PPHLN1: variants seen among roughly 807,000 people sequenced by gnomAD.
PPHLN1 encodes the protein periphilin-1.
PPHLN1 carries 29 observed loss-of-function variants against 51.3 expected under a neutral mutation model. The ratio of observed to expected loss-of-function variants is 0.57; its 90% CI spans 0.42 to 0.77. The LOEUF (loss-of-function observed/expected upper bound fraction) is 0.77, where lower values mean the gene tolerates loss of function less well. PPHLN1 is among the 30% of genes least tolerant of loss of function. The probability of loss-of-function intolerance (pLI) is 0.00; values close to 1 mark genes in which losing one functional copy is unlikely to be tolerated. For missense variants in PPHLN1, 436 were observed against 438.4 expected (o/e 0.99, Z 0.05); for synonymous variants, 147 against 147.8 (o/e 0.99, Z 0.04).
intron 2 of PPHLN1, 81 bp downstream of exon 2, chr12:42,336,055 A>G: frequency 4.6e-6 from 4 of 862,226 alleles, no homozygotes; most frequent in Non-Finnish European, 6.8e-6. Flanking sequence ...GCCTATTAAC[A>G]AAATCTTCAA....
At chr12:42,342,387 T>C (rs989449951) in intron 2 of PPHLN1, among the ~76,000 whole-genome samples, 2 of 152,178 alleles carry the variant, frequency 1.3e-5, no homozygotes, top group African/African-American at 2.4e-5. Context: ...CCCAGATCGT[T>C]GGGATTACAG....
chr12:42,408,789 G>A (rs576194207), intron 9 of PPHLN1, among the ~76,000 whole-genome samples: 1 of 152,178 alleles, frequency 6.6e-6, no homozygotes, highest in African/African-American at 2.4e-5. Flanking sequence ...GATTAGCCTG[G>A]GATCTTGAAA....
At chr12:42,341,318 A>G (rs2071466121) in intron 2 of PPHLN1, among the ~76,000 whole-genome samples, 1 of 152,024 alleles carries the variant, frequency 6.6e-6, no homozygotes, top group Non-Finnish European at 1.5e-5. Flanking sequence ...CCCATTTATG[A>G]TCAATTCTGA....
rs1001383999 is a variant in PPHLN1 at position 42,332,635 on chromosome 12, A to C, written c.-20-3248A>C. On this transcript the variant is annotated intron_variant, in intron 1 of 9. Transcript: ENST00000358314. ...TTGGTTTATACAGACACAAATCTTT[A>C]CGTCTGTATTTCCCCCCCTTACAGG... 15 of 1,530,762 alleles carry C rather than the reference A, an allele frequency of 9.8e-6. No homozygotes were observed. In the African/African-American group the frequency reaches 1.9e-4, roughly 19 times the overall value. The allele number at this position is 1,530,762 out of a possible 1,614,324, so 94.8% of individuals were successfully genotyped here.
intron 5 of PPHLN1, among the ~76,000 whole-genome samples, chr12:42,378,086 CTTTCTCTTTCTTTCTT>C (rs1480116960): frequency 8.1e-6 from 1 of 122,950 alleles, no homozygotes; most frequent in African/African-American, 3.2e-5. Flanking sequence ...ATCTATCTAT[CTTTCTCTTTCTTTCTT>C]TCTTTCTTTC....
intron 1 of PPHLN1, chr12:42,332,816 ATT>A: frequency 1.8e-6 from 1 of 554,336 alleles, no homozygotes; most frequent in Middle Eastern, 5.3e-4. Flanking sequence ...TAGAACTCTT[ATT>A]GTTTATTTTT....
chr12:42,424,508 C>T (rs895625563), intron 9 of PPHLN1, among the ~76,000 whole-genome samples: 7 of 152,160 alleles, frequency 4.6e-5, no homozygotes, highest in Non-Finnish European at 1.0e-4. Flanking sequence ...ATCTTTATTA[C>T]TAAAACTCTT....
rs866624299 is a variant in PPHLN1, at chr12:42,330,900, G to A, written c.-21+4671G>A. On this transcript the variant is annotated intron_variant, in intron 1 of 9. Transcript: ENST00000358314. ...AATTTTTTGTATTTTTGGTAGAGAC[G>A]GGGTTTCACCATGTCAGCCAGGATG... Among the ~76,000 whole-genome samples the A allele has an allele frequency of 3.9e-5, 6 of 152,084 alleles. No homozygotes were observed. The South Asian group carries it at 6.2e-4, about 16-fold the overall frequency.
chr12:42,371,632 G>C (rs537512666), intron 4 of PPHLN1, among the ~76,000 whole-genome samples: 2 of 152,206 alleles, frequency 1.3e-5, no homozygotes, highest in East Asian at 3.9e-4. Context: ...AATCTATGCT[G>C]TCCAATATGG....
chr12:42,337,626 T>A (rs2070862726), intron 2 of PPHLN1, among the ~76,000 whole-genome samples: 1 of 151,932 alleles, frequency 6.6e-6, no homozygotes, highest in Non-Finnish European at 1.5e-5. Context: ...AGTCTTACTC[T>A]GTAGCCCAGG....
In PPHLN1 at chr12:42,386,290, A is replaced by G. The variant is rs1217441386; in HGVS notation, c.569-1166A>G. Reference sequence around the variant, plus strand: ...GTCAAAAATATCTGCACATACTACCAAATGTCTGTGGAGGGGAGGTGCAAA... The same window carrying G: ...GTCAAAAATATCTGCACATACTACCGAATGTCTGTGGAGGGGAGGTGCAAA... On this transcript the variant is annotated intron_variant, in intron 6 of 9. Transcript: ENST00000358314. Among the ~76,000 whole-genome samples, 8 of 152,226 alleles carry G rather than the reference A, an allele frequency of 5.3e-5. 1 individual carries two copies. Among genetic ancestry groups the G allele is most frequent in the Non-Finnish European group, 1.2e-4 (8 of 68,046 alleles).
intron 4 of PPHLN1, chr12:42,361,209 G>T (rs2074640530): frequency 1.3e-5 from 2 of 152,600 alleles, no homozygotes; most frequent in Middle Eastern, 1.9e-3. Context: ...TCTCCACCAT[G>T]TGAGGATACA....
chr12:42,394,474 A>G (rs2078017198), intron 8 of PPHLN1, among the ~76,000 whole-genome samples: 1 of 152,162 alleles, frequency 6.6e-6, no homozygotes, highest in Non-Finnish European at 1.5e-5. Context: ...GATAAAAGGG[A>G]TCAAGCATTG....
intron 1 of PPHLN1, among the ~76,000 whole-genome samples, chr12:42,333,952 G>A (rs1205015792): frequency 6.6e-6 from 1 of 152,124 alleles, no homozygotes; most frequent in Non-Finnish European, 1.5e-5. Context: ...AGAGCCATTT[G>A]TATTTTTTTG....
At chr12:42,384,844 C>T (rs777027543) in intron 5 of PPHLN1, 96 bp from the exon 6 acceptor site, 14 of 1,203,294 alleles carry the variant, frequency 1.2e-5, no homozygotes, top group African/African-American at 3.0e-5. Flanking sequence ...TGCTCAGAAG[C>T]CCCTGTTCTC....
intron 5 of PPHLN1, among the ~76,000 whole-genome samples, chr12:42,380,325 C>T (rs765674400): frequency 3.9e-5 from 6 of 152,078 alleles, no homozygotes; most frequent in Non-Finnish European, 8.8e-5. Flanking sequence ...TTTGTTTTTT[C>T]TGTAGCTCTA....
chr12:42,365,968 G>A (rs1237782471), intron 4 of PPHLN1, among the ~76,000 whole-genome samples: 1 of 152,102 alleles, frequency 6.6e-6, no homozygotes, highest in African/African-American at 2.4e-5. Flanking sequence ...GAAACCTATA[G>A]TTTTGAAAGC....
At position 42,441,526 on chromosome 12, in the gene PPHLN1, TAA is replaced by T. The variant is rs60616542; in HGVS notation, c.*31_*32del. 6.3e-3 allele frequency: 8,191 copies of T among 1,307,420 alleles called. No individual in the cohort carries two copies. Among genetic ancestry groups the T allele is most frequent in the South Asian group, 0.023 (1,338 of 58,582 alleles). 81.0% of individuals were successfully genotyped at this position (1,307,420 alleles called of 1,614,324 possible). On this transcript the variant is annotated 3_prime_UTR_variant, in exon 10 of 10. Coordinates refer to ENST00000358314, the MANE Select transcript of PPHLN1 (RefSeq NM_201439.2). ...CCTTTTTAGATTTTTCTGCTCAGGC[TAA>T]AAAAAAAAAAAAACAGTTTCTAAAA...
chr12:42,415,715 A>G (rs1017197712), intron 9 of PPHLN1, among the ~76,000 whole-genome samples: 13 of 152,224 alleles, frequency 8.5e-5, no homozygotes, highest in African/African-American at 4.8e-5. Context: ...ACAGTTTAAA[A>G]GAATGTGTTT....
Sources: gnomAD v4.1 joint callset for allele counts (sites outside exome capture counted in the v4.1 genomes callset) on GRCh38, gnomAD v4.1.1 for gene constraint, MANE v1.5 for transcripts, NCBI Gene and HGNC (gene_info 2026-07-23, HGNC 2026-07-21) for gene names.